RUBCN: variants seen among roughly 807,000 people sequenced by gnomAD.
The protein encoded by RUBCN is rubicon autophagy regulator, also known as run domain Beclin-1-interacting and cysteine-rich domain-containing protein.
RUBCN carries 74 observed loss-of-function variants against 113.2 expected under a neutral mutation model. The ratio of observed to expected loss-of-function variants is 0.65; its 90% CI spans 0.54 to 0.79. RUBCN has a LOEUF of 0.79. RUBCN is among the 30% of genes least tolerant of loss of function. The pLI is 0.00. For synonymous variants in RUBCN, 480 were observed against 490.0 expected (o/e 0.98, Z 0.27); for missense variants, 1,109 against 1,251.7 (o/e 0.89, Z 1.72).
At chr3:197,732,699 G>C (rs1440693566) in intron 1 of RUBCN, among the ~76,000 whole-genome samples, 1 of 152,160 alleles carries the variant, frequency 6.6e-6, no homozygotes, top group Admixed American at 6.5e-5. Context: ...AAGCCCCAGA[G>C]CATCTGGCTG....
chr3:197,687,725 CCA>C (rs1722005714), intron 11 of RUBCN, among the ~76,000 whole-genome samples: 1 of 152,226 alleles, frequency 6.6e-6, no homozygotes, highest in Admixed American at 6.5e-5. Context: ...TACCACCTTC[CCA>C]CAGAGGGCTT....
At chr3:197,687,285 TA>T (rs1721955044) in intron 11 of RUBCN, among the ~76,000 whole-genome samples, 1 of 152,104 alleles carries the variant, frequency 6.6e-6, no homozygotes, top group African/African-American at 2.4e-5. Flanking sequence ...AAAAAGTAAT[TA>T]AAAAAGGGAT....
In RUBCN at chr3:197,670,116, T is replaced by C. The variant is rs1719645122; in HGVS notation, c.*4902A>G. Among the ~76,000 whole-genome samples, 1 of 152,180 alleles carries C rather than the reference T, an allele frequency of 6.6e-6. No individual in the cohort carries two copies. The highest frequency in any genetic ancestry group is 2.4e-5 in the African/African-American group (1 of 41,454). ...GTTGGCCAGGATGGTCCCAATCTCT[T>C]GACCTCGTGATCCGCCCGCCTCGGC... On this transcript the variant is annotated 3_prime_UTR_variant, in exon 20 of 20. Transcript: ENST00000296343.
At chr3:197,728,177 G>A (rs1726972050) in intron 1 of RUBCN, among the ~76,000 whole-genome samples, 1 of 152,250 alleles carries the variant, frequency 6.6e-6, no homozygotes. Context: ...GAGGCAGGAG[G>A]ATTGCCTGAC....
intron 2 of RUBCN, among the ~76,000 whole-genome samples, chr3:197,717,747 TA>T (rs1351971314): frequency 6.6e-6 from 1 of 152,216 alleles, no homozygotes; most frequent in Non-Finnish European, 1.5e-5. Flanking sequence ...TAAGTTGACC[TA>T]ATCTTTTGTT....
intron 1 of RUBCN, among the ~76,000 whole-genome samples, chr3:197,726,940 A>ATT (rs1169226625): frequency 0.11 from 14,300 of 131,656 alleles, 1,002 homozygotes; most frequent in African/African-American, 0.17. Context: ...TGCACATTCT[A>ATT]TTTTTTTTTT....
chr3:197,708,812 G>A (rs1023167062), intron 2 of RUBCN, among the ~76,000 whole-genome samples: 2 of 152,112 alleles, frequency 1.3e-5, no homozygotes, highest in Non-Finnish European at 2.9e-5. Context: ...GGAAATGACT[G>A]TATTTATAAA....
At chr3:197,717,173 G>A (rs922465213) in intron 2 of RUBCN, among the ~76,000 whole-genome samples, 2 of 150,198 alleles carry the variant, frequency 1.3e-5, no homozygotes, top group African/African-American at 2.5e-5. Flanking sequence ...GGTGGCTCAC[G>A]CCTGTAATCC....
intron 3 of RUBCN, 58 bp downstream of exon 3, chr3:197,705,034 C>A (rs999304473): frequency 7.5e-7 from 1 of 1,327,594 alleles, no homozygotes; most frequent in Non-Finnish European, 1.1e-6. Context: ...TCTGACAGAG[C>A]CTCAAACAGT....
At chr3:197,693,999 T>G (rs1224961360) in intron 10 of RUBCN, 183 bp from the exon 11 acceptor site, 2 of 600,646 alleles carry the variant, frequency 3.3e-6, no homozygotes, top group East Asian at 6.1e-5. Context: ...AGCAGTGTTC[T>G]TAGGTCTCCT....
rs1286882545 is a variant in RUBCN, at chr3:197,681,930, C to G, written c.2127-31G>C. The stretch of plus-strand genomic sequence containing the variant: ...GAAGGGTAAGGACAGGGCATTGGCA[C>G]AGAGCAGCTGCGTGAGACCTTGGAG... On this transcript the variant is annotated intron_variant, in intron 14 of 19. Transcript: ENST00000296343. This position sits in a 1 kb window ranked among gnomAD's most constrained non-coding sequence, Gnocchi z 5.5. 5 of 1,581,334 alleles carry G rather than the reference C, an allele frequency of 3.2e-6. No individual in the cohort carries two copies. Among genetic ancestry groups the G allele is most frequent in the Non-Finnish European group, 3.5e-6 (4 of 1,150,384 alleles).
chr3:197,682,729 C>G (rs12495606), intron 13 of RUBCN, 114 bp from the exon 14 acceptor site: 4 of 1,382,580 alleles, frequency 2.9e-6, no homozygotes, highest in Non-Finnish European at 4.1e-6. Flanking sequence ...GGGGTAAGTT[C>G]ACACGGACGG....
rs115184202 is a variant in RUBCN, at chr3:197,715,604, C to T, written c.219+2373G>A. On this transcript the variant is annotated intron_variant, in intron 2 of 19. Coordinates refer to ENST00000296343, the MANE Select transcript of RUBCN (RefSeq NM_014687.4). ...AACCCTAGAGGTAGACAGATGCTAC[C>T]TCATTTCACTGGTGAGGAAACTAAG... Among the ~76,000 whole-genome samples, 372 of 152,268 alleles carry T rather than the reference C, an allele frequency of 2.4e-3. 1 individual carries two copies. The highest frequency in any genetic ancestry group is 8.3e-3 in the African/African-American group (347 of 41,566).
At position 197,669,787 on chromosome 3, in the gene RUBCN, T is replaced by G. The variant is rs1374213657; in HGVS notation, c.*5231A>C. Among the ~76,000 whole-genome samples the G allele has an allele frequency of 1.3e-5, 2 of 152,264 alleles. No individual in the cohort carries two copies. Among genetic ancestry groups the G allele is most frequent in the African/African-American group, 4.8e-5 (2 of 41,464 alleles). ...AGAATTTATTTATTTGGTCATTTAT[T>G]TATGTATGTATGGACTAATAAATAT... On this transcript the variant is annotated 3_prime_UTR_variant, in exon 20 of 20. Coordinates refer to ENST00000296343, the MANE Select transcript of RUBCN (RefSeq NM_014687.4).
rs1720301594 is a variant in RUBCN at position 197,675,638 on chromosome 3, GC to G, written c.2647-124del. The G allele has an allele frequency of 5.2e-6, 4 of 768,822 alleles. No individual in the cohort carries two copies. In the South Asian group the frequency reaches 5.6e-5, roughly 11 times the overall value. 47.6% of individuals were successfully genotyped at this position (768,822 alleles called of 1,614,324 possible). ...TGCTGCCCACAGGGAGGAGGCCTGG[GC>G]TGGACTCAGAAGCATGAAAGCTAAA... On this transcript the variant is annotated intron_variant, in intron 18 of 19. Coordinates refer to ENST00000296343, the MANE Select transcript of RUBCN (RefSeq NM_014687.4). This position sits in a 1 kb window ranked among gnomAD's most constrained non-coding sequence, Gnocchi z 4.4.
In RUBCN at chr3:197,683,544, G is replaced by A. The variant is rs1487186565; in HGVS notation, c.1848-105C>T. ...CCACGCAGCAACTTCTGGGCTGGAA[G>A]AACACCCGCAGCACCCTGGCCTGCT... On this transcript the variant is annotated intron_variant, in intron 12 of 19. Transcript: ENST00000296343. This position sits in a 1 kb window ranked among gnomAD's most constrained non-coding sequence, Gnocchi z 4.6. 1.5e-6 allele frequency: 2 copies of A among 1,292,740 alleles called. No homozygotes were observed. Among genetic ancestry groups the A allele is most frequent in the Non-Finnish European group, 1.1e-6 (1 of 908,092 alleles). 80.1% of individuals were successfully genotyped at this position (1,292,740 alleles called of 1,614,324 possible). A position where few individuals can be genotyped will look rare whatever the true frequency, so the allele number is the denominator to read the frequency against.
In RUBCN at chr3:197,714,485, TAA is replaced by T. The variant is rs202146105; in HGVS notation, c.219+3490_219+3491del. 6.2e-3 allele frequency among the ~76,000 whole-genome samples: 942 copies of T among 152,268 alleles called. 5 individuals are homozygous for T. The highest frequency in any genetic ancestry group is 9.9e-3 in the Non-Finnish European group (676 of 68,004). ...ACAGGCATGCACCACCATGGCTGGC[TAA>T]GTTTTTAAATTTTTTACAGAGATAG... On this transcript the variant is annotated intron_variant, in intron 2 of 19. Transcript: ENST00000296343.
At position 197,674,945 on chromosome 3, in the gene RUBCN, G is replaced by T; in HGVS notation, c.*73C>A. On this transcript the variant is annotated 3_prime_UTR_variant, in exon 20 of 20. Coordinates refer to ENST00000296343, the MANE Select transcript of RUBCN (RefSeq NM_014687.4). ...AAAAAAAAGAAGCCCCAGGTGGGGC[G>T]AGTCCTTCAAAGAGTGGCTCAGTTC... is the stretch of plus-strand genomic sequence containing the variant. 1.5e-6 allele frequency: 2 copies of T among 1,291,736 alleles called. No homozygotes were observed. Among genetic ancestry groups the T allele is most frequent in the Non-Finnish European group, 2.2e-6 (2 of 928,902 alleles). 80.0% of individuals were successfully genotyped at this position (1,291,736 alleles called of 1,614,324 possible).
At chr3:197,708,097 T>TA (rs1293424277) in intron 2 of RUBCN, among the ~76,000 whole-genome samples, 1 of 152,110 alleles carries the variant, frequency 6.6e-6, no homozygotes, top group Non-Finnish European at 1.5e-5. Context: ...AAAGAATGTT[T>TA]AGCATTTTTT....
Sources: gnomAD v4.1 joint callset for allele counts (sites outside exome capture counted in the v4.1 genomes callset) on GRCh38, gnomAD v4.1.1 for gene constraint, Gnocchi (gnomAD v3.1) non-coding constraint, MANE v1.5 for transcripts, NCBI Gene and HGNC (gene_info 2026-07-23, HGNC 2026-07-21) for gene names.